Variants in BDKRB1 observed in about 807,000 individuals in gnomAD.
BDKRB1 encodes the protein bradykinin receptor B1.
For missense variants in BDKRB1, 414 were observed against 441.4 expected (o/e 0.94, Z 0.56); for synonymous variants, 192 against 189.1 (o/e 1.02, Z -0.13).
At chr14:96,263,072 C>T (rs870282) in intron 2 of BDKRB1, among the ~76,000 whole-genome samples, 33,040 of 152,030 alleles carry the variant, frequency 0.22, 3,815 homozygotes, top group East Asian at 0.41. Context: ...TGACCTCTGC[C>T]TCCATGTCTG....
At chr14:96,262,606 C>CTCCTTTTT in intron 1 of BDKRB1, 46 bp from the exon 2 acceptor site, 1 of 308,810 alleles carries the variant, frequency 3.2e-6, no homozygotes, top group Non-Finnish European at 5.8e-6. Flanking sequence ...TCTCTCTCTC[C>CTCCTTTTT]TTTTTTTTTT....
At position 96,264,137 on chromosome 14, in the gene BDKRB1, G is replaced by A. The variant is rs1885829739; in HGVS notation, c.455G>A (p.Arg152Lys). ...GCCAGCCGGAGGCAGCAGCGGCGGA[G>A]GCAGGCCCGGGTCACCTGCGTGCTC... ...PMASRRQQRR[R>K]QARVTCVLIW... The change falls in exon 3 of 3, where the codon AGG becomes AAG. Residue 152 changes from arginine to lysine, a missense_variant. Coordinates refer to ENST00000216629, the MANE Select transcript of BDKRB1 (RefSeq NM_000710.4). 6.3e-7 allele frequency: 1 copy of A among 1,595,698 alleles called. No homozygotes were observed. Among genetic ancestry groups the A allele is most frequent in the African/African-American group, 1.3e-5 (1 of 74,766 alleles).
intron 1 of BDKRB1, chr14:96,259,443 G>C (rs1367230787): frequency 6.6e-6 from 1 of 152,140 alleles, no homozygotes; most frequent in African/African-American, 2.4e-5. Context: ...GTCTATAAAT[G>C]TCAATTTATA....
chr14:96,258,772 CA>C (rs1885675305), intron 1 of BDKRB1, among the ~76,000 whole-genome samples: 1 of 152,180 alleles, frequency 6.6e-6, no homozygotes. Flanking sequence ...CCACCTGCCT[CA>C]GCCTCCCAAA....
chr14:96,263,852 T>A lies in BDKRB1; in HGVS notation c.170T>A (p.Phe57Tyr), dbSNP rs1885817031. 1.2e-5 allele frequency: 19 copies of A among 1,614,202 alleles called. No homozygotes were observed. The highest frequency in any genetic ancestry group is 1.5e-5 in the Non-Finnish European group (18 of 1,180,010). The change falls in exon 3 of 3, where the codon TTT becomes TAT. Residue 57 changes from phenylalanine (F) to tyrosine (Y), a missense_variant. Coordinates refer to ENST00000216629, the MANE Select transcript of BDKRB1 (RefSeq NM_000710.4). ...ICFFGLLGNLFVLLVFLLPRR... is the reference protein window; with the variant it reads ...ICFFGLLGNLYVLLVFLLPRR... ...TTCTTCGGCCTCCTAGGGAACCTTT[T>A]TGTCCTGTTGGTCTTCCTCCTGCCC... is the stretch of plus-strand genomic sequence containing the variant.
intron 1 of BDKRB1, among the ~76,000 whole-genome samples, chr14:96,258,128 C>T (rs968909431): frequency 2.0e-5 from 3 of 152,100 alleles, no homozygotes; most frequent in Admixed American, 1.3e-4. Flanking sequence ...TATGCATACA[C>T]CTATGAATAT....
intron 1 of BDKRB1, chr14:96,259,915 T>G (rs1885705445): frequency 6.6e-6 from 1 of 152,148 alleles, no homozygotes; most frequent in South Asian, 2.1e-4. Context: ...GTGAGCTGAG[T>G]TAACTTAAAG....
chr14:96,256,841 A>G (rs1043930123), intron 1 of BDKRB1, among the ~76,000 whole-genome samples: 1 of 152,210 alleles, frequency 6.6e-6, no homozygotes, highest in Non-Finnish European at 1.5e-5. Context: ...AATTTGAAGA[A>G]TTAACTAATT....
Position 96,261,276 on chromosome 14 carries a change from C to T in BDKRB1, c.-129-1376C>T, listed in dbSNP as rs78749698. Among the ~76,000 whole-genome samples the T allele has an allele frequency of 4.0e-3, 602 of 152,354 alleles. 4 individuals are homozygous for T. Among genetic ancestry groups the T allele is most frequent in the African/African-American group, 0.014 (564 of 41,578 alleles). ...ACTTCTTCCTCCTGCTAGGCTTATA[C>T]GCACACTGAGAGCAGGGATTTTTGC... On this transcript the variant is annotated intron_variant, in intron 1 of 2. Transcript: ENST00000216629.
In BDKRB1 at chr14:96,258,322, A is replaced by G. The variant is rs554404944; in HGVS notation, c.-130+2022A>G. Among the ~76,000 whole-genome samples, 6 of 152,270 alleles carry G rather than the reference A, an allele frequency of 3.9e-5. No homozygotes were observed. In the South Asian group the frequency reaches 6.2e-4, roughly 16 times the overall value. On this transcript the variant is annotated intron_variant, in intron 1 of 2. Transcript: ENST00000216629. The stretch of plus-strand genomic sequence containing the variant: ...GGGTCTTGTTATTTTTAATTTTTCC[A>G]TATAATTGCCTGAAATCTTTTTTCC...
rs771652663 is a variant in BDKRB1, at chr14:96,263,880, G to A, written c.198G>A (p.Arg66=). The change falls in exon 3 of 3, where the codon CGG becomes CGA. Residue 66 remains arginine (R), a synonymous_variant. Transcript: ENST00000216629. ...TCCTGTTGGTCTTCCTCCTGCCCCG[G>A]CGGCAACTGAACGTGGCAGAAATCT... is the stretch of plus-strand genomic sequence containing the variant. The part of the protein sequence containing the change: ...LFVLLVFLLP[R]RQLNVAEIYL... The A allele has an allele frequency of 3.1e-6, 5 of 1,614,100 alleles. No individual in the cohort carries two copies. The African/African-American group carries it at 4.0e-5, about 13-fold the overall frequency.
chr14:96,260,605 CA>C (rs775194190), intron 1 of BDKRB1, among the ~76,000 whole-genome samples: 90 of 152,172 alleles, frequency 5.9e-4, no homozygotes, highest in Middle Eastern at 3.4e-3. Flanking sequence ...TTATGCCCTG[CA>C]AAAAATGACC....
At chr14:96,258,912 C>CAAA (rs749637177) in intron 1 of BDKRB1, among the ~76,000 whole-genome samples, 1 of 137,632 alleles carries the variant, frequency 7.3e-6, no homozygotes. Context: ...TCAGATACTG[C>CAAA]AAAAAAAAAA....
chr14:96,257,909 GAGGGAGGGAAGA>G lies in BDKRB1; in HGVS notation c.-130+1619_-130+1630del, dbSNP rs543515753. On this transcript the variant is annotated intron_variant, in intron 1 of 2. Transcript: ENST00000216629. ...GAAGGAAGGAAGGAAAGCAGGATGGGAGGGAGGGAAGAAGGGAGGGAGGAAGGGAGGGATGGA... is the reference window on the plus strand; with the variant it reads ...GAAGGAAGGAAGGAAAGCAGGATGGGAGGGAGGGAGGAAGGGAGGGATGGA... Among the ~76,000 whole-genome samples the G allele has an allele frequency of 1.9e-3, 289 of 149,896 alleles. 1 individual carries two copies. Among genetic ancestry groups the G allele is most frequent in the African/African-American group, 3.1e-3 (128 of 40,888 alleles).
Position 96,264,016 on chromosome 14 carries a change from G to A in BDKRB1, c.334G>A (p.Val112Ile). ...NWPFGALLCRVINGVIKANLF... is the reference protein window; with the variant it reads ...NWPFGALLCRIINGVIKANLF... ...GCCTTTCGGAGCCCTCCTCTGCCGT[G>A]TCATCAACGGGGTCATCAAGGCCAA... Residue 112 changes from valine (V) to isoleucine (I), a missense_variant, in exon 3 of 3, where the codon GTC (valine) becomes ATC (isoleucine). By Grantham distance (29) the Val-to-Ile change is conservative. Coordinates refer to ENST00000216629, the MANE Select transcript of BDKRB1 (RefSeq NM_000710.4). The A allele has an allele frequency of 6.2e-7, 1 of 1,614,180 alleles. No individual in the cohort carries two copies. The highest frequency in any genetic ancestry group is 2.2e-5 in the East Asian group (1 of 44,878).
chr14:96,264,200 T>C lies in BDKRB1; in HGVS notation c.518T>C (p.Phe173Ser). ...VVGGLLSIPT[F>S]LLRSIQAVPD... Reference sequence around the variant, plus strand: ...GGGGGCCTCTTGAGCATCCCCACATTCCTGCTGCGATCCATCCAAGCCGTC... The same window carrying C: ...GGGGGCCTCTTGAGCATCCCCACATCCCTGCTGCGATCCATCCAAGCCGTC... Residue 173 changes from phenylalanine (F) to serine (S), a missense_variant, in exon 3 of 3, where the codon TTC becomes TCC. By Grantham distance (155) the Phe-to-Ser change is radical. Coordinates refer to ENST00000216629, the MANE Select transcript of BDKRB1 (RefSeq NM_000710.4). 6.2e-7 allele frequency: 1 copy of C among 1,612,878 alleles called. No individual in the cohort carries two copies. The highest frequency in any genetic ancestry group is 8.5e-7 in the Non-Finnish European group (1 of 1,179,112).
At chr14:96,262,227 C>T (rs2139815066) in intron 1 of BDKRB1, among the ~76,000 whole-genome samples, 1 of 152,354 alleles carries the variant, frequency 6.6e-6, no homozygotes, top group African/African-American at 2.4e-5. Flanking sequence ...AGCTGGTTAA[C>T]TTCTCTGAGC....
At chr14:96,260,025 AT>A (rs71103508) in intron 1 of BDKRB1, 13,334 of 142,634 alleles carry the variant, frequency 0.093, 554 homozygotes, top group African/African-American at 0.11. Context: ...TTAGGGTGCA[AT>A]TTTTTTTTTT....
intron 1 of BDKRB1, 139 bp from the exon 2 acceptor site, chr14:96,262,513 A>G: frequency 2.7e-6 from 1 of 366,076 alleles, no homozygotes; most frequent in Non-Finnish European, 5.2e-6. Context: ...CCTGGAACAC[A>G]GACCATTAAT....
Sources: gnomAD v4.1 joint callset for allele counts (sites outside exome capture counted in the v4.1 genomes callset) on GRCh38, gnomAD v4.1.1 for gene constraint, MANE v1.5 for transcripts, NCBI Gene and HGNC (gene_info 2026-07-23, HGNC 2026-07-21) for gene names.